Variants in GAS6 observed in about 807,000 individuals in gnomAD.
GAS6 encodes growth arrest specific 6.
A neutral mutation model predicts 75.8 loss-of-function variants in GAS6; 41 were observed. That is an observed-to-expected ratio of 0.54 (90% CI 0.42 to 0.70). The LOEUF is 0.70. Among genes scored for constraint, GAS6 ranks in the 30% least tolerant of loss-of-function variants. The probability of loss-of-function intolerance (pLI) is 0.00; values close to 1 mark genes in which losing one functional copy is unlikely to be tolerated. For missense variants in GAS6, 854 were observed against 940.2 expected (o/e 0.91, Z 1.20); for synonymous variants, 432 against 412.6 (o/e 1.05, Z -0.57).
rs2051759993 is a variant in GAS6 at position 113,840,059 on chromosome 13, GAA to G, written c.344-211_344-210del. On this transcript the variant is annotated intron_variant, in intron 4 of 14. Transcript: ENST00000327773. ...TGGCGGGCCCTGGGGCCGGCTCCAGGAAAACTCAGATCAACTGGGAGGGAGTG... is the reference window on the plus strand; with the variant it reads ...TGGCGGGCCCTGGGGCCGGCTCCAGGAACTCAGATCAACTGGGAGGGAGTG... 4.8e-6 allele frequency: 3 copies of G among 623,928 alleles called. No individual in the cohort carries two copies. In the South Asian group the frequency reaches 6.6e-5, roughly 14 times the overall value. 38.6% of individuals were successfully genotyped at this position (623,928 alleles called of 1,614,324 possible). A position where few individuals can be genotyped will look rare whatever the true frequency, so the allele number is the denominator to read the frequency against.
In GAS6 at chr13:113,838,104, C is replaced by G; in HGVS notation, c.554G>C (p.Gly185Ala). The change falls in exon 6 of 15, where the codon GGC becomes GCC. Residue 185 changes from glycine to alanine, a missense_variant. Coordinates refer to ENST00000327773, the MANE Select transcript of GAS6 (RefSeq NM_000820.4). ...PGSFHCSCHS[G>A]FELSSDGRTC... is the part of the protein sequence containing the mutation. The stretch of plus-strand genomic sequence containing the variant: ...CCTGCCATCAGAGGAGAGCTCGAAG[C>G]CGCTGTGGCAGGAACAGTGGAAGCT... The G allele has an allele frequency of 6.2e-7, 1 of 1,612,958 alleles. No individual in the cohort carries two copies. Among genetic ancestry groups the G allele is most frequent in the East Asian group, 2.2e-5 (1 of 44,880 alleles).
chr13:113,828,831 C>G (rs1331644675), intron 10 of GAS6, 120 bp from the exon 11 acceptor site: 3 of 1,107,794 alleles, frequency 2.7e-6, no homozygotes, highest in Non-Finnish European at 3.9e-6. Flanking sequence ...GGGGAGGCCA[C>G]CTGATCCTCA....
intron 8 of GAS6, chr13:113,833,549 T>A: frequency 9.9e-7 from 1 of 1,007,818 alleles, no homozygotes; most frequent in Non-Finnish European, 1.2e-6. Flanking sequence ...AACGTCCACA[T>A]GTGGGTACTG....
rs1460016617 is a variant in GAS6, at chr13:113,837,007, T to G, written c.589+1062A>C. Among the ~76,000 whole-genome samples, 2 of 150,900 alleles carry G rather than the reference T, an allele frequency of 1.3e-5. No individual in the cohort carries two copies. Among genetic ancestry groups the G allele is most frequent in the African/African-American group, 2.4e-5 (1 of 40,944 alleles). ...CTGTGAGCCTAGACTTTGCCGGGAG[T>G]GCCCGACTGGTGCAGGGACCCACGG... On this transcript the variant is annotated intron_variant, in intron 6 of 14. Coordinates refer to ENST00000327773, the MANE Select transcript of GAS6 (RefSeq NM_000820.4). The surrounding 1 kb of genome is among the most constrained non-coding windows in gnomAD (Gnocchi z 5.1).
chr13:113,831,133 G>T (rs569137637), intron 10 of GAS6, among the ~76,000 whole-genome samples: 1 of 152,246 alleles, frequency 6.6e-6, no homozygotes, highest in Admixed American at 6.5e-5. Context: ...AGGCCCTCTC[G>T]CTCCACGGAT....
intron 2 of GAS6, among the ~76,000 whole-genome samples, chr13:113,855,415 T>G (rs2051906542): frequency 6.6e-6 from 1 of 152,234 alleles, no homozygotes; most frequent in Non-Finnish European, 1.5e-5. Context: ...CACCACGTTC[T>G]ATGATCCCAG....
chr13:113,828,228 C>T (rs947405635), intron 11 of GAS6, among the ~76,000 whole-genome samples: 14 of 152,128 alleles, frequency 9.2e-5, no homozygotes, highest in Admixed American at 3.3e-4. Flanking sequence ...CGCGCCACTG[C>T]ACTCCAGCCT....
rs898813496 is a variant in GAS6, at chr13:113,848,149, G to A, written c.256-99C>T. On this transcript the variant is annotated intron_variant, in intron 2 of 14. Coordinates refer to ENST00000327773, the MANE Select transcript of GAS6 (RefSeq NM_000820.4). The surrounding 1 kb of genome is among the most constrained non-coding windows in gnomAD (Gnocchi z 4.8). The stretch of plus-strand genomic sequence containing the variant: ...GCTGGTTAATCAGAGGCTGCTCTCG[G>A]GGCAGCCAGAGGGCCGCCCCACCCG... 8 of 1,377,114 alleles carry A rather than the reference G, an allele frequency of 5.8e-6. No homozygotes were observed. The highest frequency in any genetic ancestry group is 6.1e-6 in the Non-Finnish European group (6 of 990,000). The allele number at this position is 1,377,114 out of a possible 1,614,324, so 85.3% of individuals were successfully genotyped here. A position where few individuals can be genotyped will look rare whatever the true frequency, so the allele number is the denominator to read the frequency against.
At chr13:113,832,186 G>A in intron 10 of GAS6, 113 bp downstream of exon 10, 1 of 1,215,266 alleles carries the variant, frequency 8.2e-7, no homozygotes, top group East Asian at 2.6e-5. Flanking sequence ...CCGGCACGCA[G>A]CAGATGCAGG....
At chr13:113,829,195 A>T (rs111605853) in intron 10 of GAS6, among the ~76,000 whole-genome samples, 2 of 71,646 alleles carry the variant, frequency 2.8e-5, no homozygotes, top group Non-Finnish European at 5.0e-5. Context: ...TCTCAGGGAG[A>T]CCACCTGATC....
chr13:113,825,886 C>T (rs2051530957), intron 12 of GAS6, among the ~76,000 whole-genome samples: 1 of 152,168 alleles, frequency 6.6e-6, no homozygotes, highest in African/African-American at 2.4e-5. Context: ...CCGCGTGGAT[C>T]CCCTTGAACC....
At chr13:113,854,804 G>A (rs1211697548) in intron 2 of GAS6, among the ~76,000 whole-genome samples, 1 of 152,246 alleles carries the variant, frequency 6.6e-6, no homozygotes, top group Non-Finnish European at 1.5e-5. Flanking sequence ...GAGGGATGCT[G>A]GCCACAAGAA....
At position 113,863,951 on chromosome 13, in the gene GAS6, C is replaced by T. The variant is rs1185852910; in HGVS notation, c.-31G>A. ...GCCGGGGACGCGCGGTCAGAGCGCC[C>T]GGGAGGCCGAGGCGAGCCGCGGGCG... On this transcript the variant is annotated 5_prime_UTR_variant, in exon 1 of 15. Transcript: ENST00000327773. This position sits in a 1 kb window ranked among gnomAD's most constrained non-coding sequence, Gnocchi z 9.4. The T allele has an allele frequency of 9.2e-6, 10 of 1,082,834 alleles. No individual in the cohort carries two copies. Among genetic ancestry groups the T allele is most frequent in the Non-Finnish European group, 1.1e-5 (10 of 894,786 alleles). The allele number at this position is 1,082,834 out of a possible 1,614,324, so 67.1% of individuals were successfully genotyped here.
intron 3 of GAS6, 101 bp downstream of exon 3, chr13:113,847,925 C>T: frequency 9.2e-7 from 1 of 1,089,946 alleles, no homozygotes. Flanking sequence ...TAAGAATCTT[C>T]CTTCCAAGAG....
At chr13:113,828,249 G>A (rs535569893) in intron 11 of GAS6, among the ~76,000 whole-genome samples, 1 of 151,392 alleles carries the variant, frequency 6.6e-6, no homozygotes, top group Non-Finnish European at 1.5e-5. Flanking sequence ...GGGCAACAGA[G>A]CAAGACTCCG....
At chr13:113,834,526 G>C in intron 8 of GAS6, 25 bp downstream of exon 8, 1 of 1,516,788 alleles carries the variant, frequency 6.6e-7, no homozygotes, top group Non-Finnish European at 8.8e-7. Flanking sequence ...ACCGTGAAGG[G>C]CCCGCGGGGC....
intron 10 of GAS6, among the ~76,000 whole-genome samples, chr13:113,831,005 G>A (rs1230299958): frequency 1.3e-5 from 2 of 152,272 alleles, no homozygotes; most frequent in Admixed American, 6.5e-5. Context: ...GGAAATACAA[G>A]TCTACAATGT....
chr13:113,847,959 A>G, intron 3 of GAS6, 67 bp downstream of exon 3: 1 of 1,436,616 alleles, frequency 7.0e-7, no homozygotes, highest in African/African-American at 1.4e-5. Flanking sequence ...AGATTCCTCC[A>G]ACATGAAACA....
At chr13:113,831,797 G>A (rs1268652166) in intron 10 of GAS6, among the ~76,000 whole-genome samples, 2 of 106,218 alleles carry the variant, frequency 1.9e-5, no homozygotes, top group Admixed American at 9.1e-5. Flanking sequence ...CCCGTCCCCC[G>A]GAGCATGAAC....
Sources: allele counts gnomAD v4.1 joint callset (sites outside exome capture counted in the v4.1 genomes callset), GRCh38; gene constraint gnomAD v4.1.1; non-coding constraint Gnocchi (gnomAD v3.1); transcripts MANE v1.5; gene names NCBI Gene and HGNC (gene_info 2026-07-23, HGNC 2026-07-21).